FBLN1: variants seen among roughly 807,000 people sequenced by gnomAD.
The protein encoded by FBLN1 is fibulin-1.
Under a neutral mutation model 89.7 loss-of-function variants are expected in FBLN1, and 34 were observed. The observed-to-expected ratio is 0.38, with a 90% CI of 0.29 to 0.50. The LOEUF is 0.50. Among genes scored for constraint, FBLN1 ranks in the 20% least tolerant of loss-of-function variants. The pLI is 0.92. For missense variants in FBLN1, 777 were observed against 988.1 expected (o/e 0.79, Z 2.86); for synonymous variants, 393 against 391.3 (o/e 1.00, Z -0.05).
rs370525114 is a variant in FBLN1 at position 45,523,151 on chromosome 22, G to A, written c.186-2392G>A. On this transcript the variant is annotated intron_variant, in intron 2 of 16. Transcript: ENST00000327858. Reference sequence around the variant, plus strand: ...ATGGGGCGTGGGCAGTATGGAAAGTGGGAAGAGCATCCCAGGCCGAGGGAA... The same window carrying A: ...ATGGGGCGTGGGCAGTATGGAAAGTAGGAAGAGCATCCCAGGCCGAGGGAA... The A allele has an allele frequency of 8.2e-5, 64 of 779,072 alleles. No homozygotes were observed. In the African/African-American group the frequency reaches 1.0e-3, roughly 13 times the overall value. The allele number at this position is 779,072 out of a possible 1,614,324, so 48.3% of individuals were successfully genotyped here.
At position 45,537,895 on chromosome 22, in the gene FBLN1, C is replaced by T. The variant is rs1384809489; in HGVS notation, c.922+2558C>T. ...GGGAGGATAGTCCTGCTCAGACTTG[C>T]AGCCTGCTCAAAGGGGGGTCCGGAG... On this transcript the variant is annotated intron_variant, in intron 8 of 16. Transcript: ENST00000327858. The surrounding 1 kb of genome is among the most constrained non-coding windows in gnomAD (Gnocchi z 5.7). Among the ~76,000 whole-genome samples the T allele has an allele frequency of 1.3e-5, 2 of 152,216 alleles. No homozygotes were observed. The highest frequency in any genetic ancestry group is 1.9e-4 in the East Asian group (1 of 5,192).
intron 1 of FBLN1, among the ~76,000 whole-genome samples, chr22:45,505,840 C>T (rs184493167): frequency 2.6e-5 from 4 of 152,258 alleles, no homozygotes; most frequent in Admixed American, 6.5e-5. Context: ...GGCATGATCT[C>T]GACTCACTGC....
In FBLN1 at chr22:45,532,819, C is replaced by A. The variant is rs1002578016; in HGVS notation, c.545-244C>A. Reference sequence around the variant, plus strand: ...GTCCACCCCAGCCTACAAAGGGCACCCTGCACACCACCTGATTTTCCAGAC... The same window carrying A: ...GTCCACCCCAGCCTACAAAGGGCACACTGCACACCACCTGATTTTCCAGAC... On this transcript the variant is annotated intron_variant, in intron 5 of 16. Transcript: ENST00000327858. This position sits in a 1 kb window ranked among gnomAD's most constrained non-coding sequence, Gnocchi z 4.2. 1 of 586,100 alleles carries A rather than the reference C, an allele frequency of 1.7e-6. No homozygotes were observed. The highest frequency in any genetic ancestry group is 3.1e-6 in the Non-Finnish European group (1 of 327,488). The allele number at this position is 586,100 out of a possible 1,614,324, so 36.3% of individuals were successfully genotyped here. A position where few individuals can be genotyped will look rare whatever the true frequency, so the allele number is the denominator to read the frequency against.
At chr22:45,593,584 G>T (rs1322921451) in intron 16 of FBLN1, among the ~76,000 whole-genome samples, 4 of 152,164 alleles carry the variant, frequency 2.6e-5, no homozygotes, top group Non-Finnish European at 5.9e-5. Context: ...TGGGGCTTCG[G>T]AAAGGTAGGA....
intron 14 of FBLN1, among the ~76,000 whole-genome samples, chr22:45,570,702 A>C (rs540135050): frequency 4.6e-5 from 7 of 152,370 alleles, no homozygotes; most frequent in Non-Finnish European, 7.3e-5. Context: ...TGATCTCAAG[A>C]AAACTTTCCA....
chr22:45,535,533 TC>T (rs1306097943), intron 8 of FBLN1, 196 bp downstream of exon 8: 1 of 638,658 alleles, frequency 1.6e-6, no homozygotes, highest in Non-Finnish European at 2.7e-6. Context: ...GTCATAATAG[TC>T]AACTCTGCTG....
chr22:45,541,854 A>G (rs1219526416), intron 9 of FBLN1, among the ~76,000 whole-genome samples: 2 of 152,200 alleles, frequency 1.3e-5, no homozygotes, highest in African/African-American at 4.8e-5. Flanking sequence ...AGATCCCGCC[A>G]GGGAAGGAGC....
intron 16 of FBLN1, among the ~76,000 whole-genome samples, chr22:45,584,766 G>C (rs1278477446): frequency 6.6e-6 from 1 of 152,186 alleles, no homozygotes; most frequent in Admixed American, 6.5e-5. Flanking sequence ...AGGATGATGG[G>C]ACAGGGCCAG....
At chr22:45,594,880 G>GGATA in intron 16 of FBLN1, among the ~76,000 whole-genome samples, 1 of 152,062 alleles carries the variant, frequency 6.6e-6, no homozygotes, top group Non-Finnish European at 1.5e-5. Context: ...ACGGATGGAT[G>GGATA]GATAGATGGA....
rs1163650172 is a variant in FBLN1 at position 45,563,319 on chromosome 22, C to T, written c.1698-11192C>T. The stretch of plus-strand genomic sequence containing the variant: ...CTCCTGTTGCTTTCCTAACCCTGCC[C>T]TCCGGGGCGTTAATAAAGTCTTAGC... On this transcript the variant is annotated intron_variant, in intron 14 of 16. Transcript: ENST00000327858. This position sits in a 1 kb window ranked among gnomAD's most constrained non-coding sequence, Gnocchi z 5.7. The T allele has an allele frequency of 1.2e-5, 20 of 1,611,308 alleles. No homozygotes were observed. The highest frequency in any genetic ancestry group is 4.5e-5 in the East Asian group (2 of 44,888).
At position 45,518,754 on chromosome 22, in the gene FBLN1, C is replaced by T. The variant is rs772445995; in HGVS notation, c.152C>T (p.Ser51Leu). ...ATGGCCACTCATCAGAAGGACTGCT[C>T]GCTGCCATATGCTACGGAATCCAAA... ...HRMATHQKDCSLPYATESKEC... is the reference protein window; with the variant it reads ...HRMATHQKDCLLPYATESKEC... The change falls in exon 2 of 17, where the codon TCG becomes TTG. Residue 51 changes from serine (S) to leucine (L), a missense_variant. Transcript: ENST00000327858. 1.9e-5 allele frequency: 30 copies of T among 1,612,112 alleles called. No individual in the cohort carries two copies. The highest frequency in any genetic ancestry group is 1.6e-4 in the Middle Eastern group (1 of 6,082).
rs529593489 is a variant in FBLN1 at position 45,531,338 on chromosome 22, G to A, written c.544+14G>A. 2.2e-5 allele frequency: 35 copies of A among 1,612,510 alleles called. No homozygotes were observed. The highest frequency in any genetic ancestry group is 4.4e-5 in the South Asian group (4 of 91,050). ...ACCGCTGCCGAGGTGAGACTCGGGC[G>A]TCTCCCATCAGTTGGTATTTAAACA... On this transcript the variant is annotated intron_variant, in intron 5 of 16. Coordinates refer to ENST00000327858, the MANE Select transcript of FBLN1 (RefSeq NM_006486.3). This position sits in a 1 kb window ranked among gnomAD's most constrained non-coding sequence, Gnocchi z 4.9.
chr22:45,524,291 T>G (rs1240804025), intron 2 of FBLN1, among the ~76,000 whole-genome samples: 1 of 152,212 alleles, frequency 6.6e-6, no homozygotes, highest in Non-Finnish European at 1.5e-5. Context: ...TTGCTGGCTT[T>G]GGCTGGAGCT....
chr22:45,525,806 G>T, intron 3 of FBLN1, 128 bp downstream of exon 3: 2 of 1,259,454 alleles, frequency 1.6e-6, no homozygotes, highest in South Asian at 2.6e-5. Context: ...TGAGCAGCTG[G>T]GGGTTCCTGG....
rs1177872990 is a variant in FBLN1 at position 45,588,836 on chromosome 22, C to T, written c.1973-11471C>T. ...AGCAAAAAAAAAAAAAAAGGAATGA[C>T]GATGATATGAATCTTTTGGCGGCCT... On this transcript the variant is annotated intron_variant, in intron 16 of 16. Coordinates refer to ENST00000327858, the MANE Select transcript of FBLN1 (RefSeq NM_006486.3). The surrounding 1 kb of genome is among the most constrained non-coding windows in gnomAD (Gnocchi z 5.1). Among the ~76,000 whole-genome samples, 3 of 147,538 alleles carry T rather than the reference C, an allele frequency of 2.0e-5. No homozygotes were observed. The highest frequency in any genetic ancestry group is 5.1e-5 in the African/African-American group (2 of 39,376).
Position 45,577,963 on chromosome 22 carries a change from T to C in FBLN1, c.1972+855T>C, listed in dbSNP as rs1601534249. 1 of 152,528 alleles carries C rather than the reference T, an allele frequency of 6.6e-6. No individual in the cohort carries two copies. The highest frequency in any genetic ancestry group is 1.9e-4 in the East Asian group (1 of 5,194). 9.4% of individuals were successfully genotyped at this position (152,528 alleles called of 1,614,324 possible). On this transcript the variant is annotated intron_variant, in intron 16 of 16. Coordinates refer to ENST00000327858, the MANE Select transcript of FBLN1 (RefSeq NM_006486.3). The surrounding 1 kb of genome is among the most constrained non-coding windows in gnomAD (Gnocchi z 6.6). ...TTACAGTCATGGGAAATGAAAACGG[T>C]GGCATCTGCCATTTTGGACTCGGAT... is the stretch of plus-strand genomic sequence containing the variant.
chr22:45,575,025 A>G lies in FBLN1; in HGVS notation c.1840+372A>G, dbSNP rs1234213978. Among the ~76,000 whole-genome samples the G allele has an allele frequency of 2.7e-5, 4 of 150,888 alleles. No homozygotes were observed. Among genetic ancestry groups the G allele is most frequent in the African/African-American group, 9.7e-5 (4 of 41,120 alleles). Reference sequence around the variant, plus strand: ...TCTCAATCTCCTGACCTCATGATCCACCCGCCTCAGCCTCCCAAAGTGCTG... The same window carrying G: ...TCTCAATCTCCTGACCTCATGATCCGCCCGCCTCAGCCTCCCAAAGTGCTG... On this transcript the variant is annotated intron_variant, in intron 15 of 16. Transcript: ENST00000327858. The surrounding 1 kb of genome is among the most constrained non-coding windows in gnomAD (Gnocchi z 6.3).
At chr22:45,529,916 G>A (rs16994163) in intron 4 of FBLN1, among the ~76,000 whole-genome samples, 5,834 of 152,146 alleles carry the variant, frequency 0.038, 335 homozygotes, top group African/African-American at 0.13. Context: ...CGGAAGGGGC[G>A]AAAGGGAAGA....
chr22:45,568,908 A>G (rs185691143), intron 14 of FBLN1, among the ~76,000 whole-genome samples: 3 of 152,340 alleles, frequency 2.0e-5, no homozygotes, highest in Admixed American at 1.3e-4. Flanking sequence ...GTTGGTGATC[A>G]TTGGTGTTCC....
Sources: allele counts gnomAD v4.1 joint callset (sites outside exome capture counted in the v4.1 genomes callset), GRCh38; gene constraint gnomAD v4.1.1; non-coding constraint Gnocchi (gnomAD v3.1); transcripts MANE v1.5; gene names NCBI Gene and HGNC (gene_info 2026-07-23, HGNC 2026-07-21).